DPP10: variants seen among roughly 807,000 people sequenced by gnomAD.
DPP10 encodes the protein inactive dipeptidyl peptidase 10.
DPP10 carries 33 observed loss-of-function variants against 120.9 expected under a neutral mutation model. That is an observed-to-expected ratio of 0.27 (90% CI 0.21 to 0.37). The LOEUF (loss-of-function observed/expected upper bound fraction) is 0.37. Ranked by LOEUF, DPP10 falls within the 10% of genes least tolerant of loss-of-function variation. The probability of loss-of-function intolerance (pLI) is 1.00; values close to 1 mark genes in which losing one functional copy is unlikely to be tolerated. For missense variants in DPP10, 816 were observed against 942.8 expected, an observed-to-expected ratio of 0.87 and a Z score of 1.76; for synonymous variants, 337 against 326.1, an observed-to-expected ratio of 1.03 and a Z score of -0.36.
intron 1 of DPP10, among the ~76,000 whole-genome samples, chr2:114,968,305 C>T (rs549673087): frequency 6.6e-6 from 1 of 152,302 alleles, no homozygotes; most frequent in South Asian, 2.1e-4. Context: ...GAGACCTGTT[C>T]TCATTCCTCT....
intron 8 of DPP10, among the ~76,000 whole-genome samples, chr2:115,736,524 G>A (rs896404037): frequency 6.6e-6 from 1 of 151,978 alleles, no homozygotes; most frequent in African/African-American, 2.4e-5. Context: ...AAATGTTTCT[G>A]TAAAGAGTAG....
At chr2:114,453,528 T>G (rs1023634679) in intron 1 of DPP10, among the ~76,000 whole-genome samples, 2 of 152,182 alleles carry the variant, frequency 1.3e-5, no homozygotes, top group Non-Finnish European at 2.9e-5. Flanking sequence ...TTATGTCTTC[T>G]CTGCTACATC....
chr2:114,498,795 A>G (rs1682900204), intron 1 of DPP10, among the ~76,000 whole-genome samples: 1 of 152,192 alleles, frequency 6.6e-6, no homozygotes, highest in Non-Finnish European at 1.5e-5. Flanking sequence ...TTAAGATTAC[A>G]GTTAAATTTC....
chr2:115,140,926 G>GA (rs372992316), intron 1 of DPP10, among the ~76,000 whole-genome samples: 97,933 of 137,598 alleles, frequency 0.71, 35,039 homozygotes, highest in African/African-American at 0.82. Flanking sequence ...TGCTTATCTT[G>GA]AAAAAAAAAA....
At chr2:115,386,950 C>A (rs1469093582) in intron 3 of DPP10, among the ~76,000 whole-genome samples, 2 of 151,276 alleles carry the variant, frequency 1.3e-5, no homozygotes, top group Non-Finnish European at 1.5e-5. Context: ...GGGCAAAATG[C>A]CTCCCTTTAA....
intron 1 of DPP10, among the ~76,000 whole-genome samples, chr2:115,181,598 C>T (rs967316822): frequency 3.3e-5 from 5 of 152,006 alleles, no homozygotes; most frequent in African/African-American, 9.7e-5. Context: ...TTCCAAGTAC[C>T]GAGGGAAAAA....
chr2:114,904,942 G>A (rs1396111644), intron 1 of DPP10, among the ~76,000 whole-genome samples: 1 of 152,132 alleles, frequency 6.6e-6, no homozygotes, highest in Admixed American at 6.5e-5. Context: ...GCTTAGGGAT[G>A]AGACCCTAAG....
chr2:115,190,778 C>A (rs943408637), intron 1 of DPP10, among the ~76,000 whole-genome samples: 4 of 152,296 alleles, frequency 2.6e-5, no homozygotes, highest in East Asian at 3.9e-4. Flanking sequence ...AGGGGATAAT[C>A]TGGGTCTCTG....
chr2:114,499,316 A>G (rs908964820), intron 1 of DPP10, among the ~76,000 whole-genome samples: 1 of 152,206 alleles, frequency 6.6e-6, no homozygotes, highest in Admixed American at 6.5e-5. Flanking sequence ...GTGAACTTTG[A>G]GCAAGGGCTG....
chr2:114,466,886 ATATAGAAAAC>A (rs1304222719), intron 1 of DPP10, among the ~76,000 whole-genome samples: 8 of 152,288 alleles, frequency 5.3e-5, no homozygotes, highest in African/African-American at 1.9e-4. Context: ...TCTACTAAAA[ATATAGAAAAC>A]TATTAGCTGG....
chr2:115,554,809 A>G (rs184901661), intron 5 of DPP10, among the ~76,000 whole-genome samples: 2 of 152,232 alleles, frequency 1.3e-5, no homozygotes, highest in Admixed American at 1.3e-4. Context: ...CTTCTTTTTC[A>G]TCATATCACT....
intron 1 of DPP10, among the ~76,000 whole-genome samples, chr2:115,220,140 T>C (rs1297248150): frequency 1.3e-5 from 2 of 152,164 alleles, no homozygotes; most frequent in Non-Finnish European, 2.9e-5. Flanking sequence ...TAGTTGCCTG[T>C]TTTCCTTGGT....
At chr2:114,653,752 C>T (rs911883030) in intron 1 of DPP10, among the ~76,000 whole-genome samples, 1 of 152,054 alleles carries the variant, frequency 6.6e-6, no homozygotes, top group African/African-American at 2.4e-5. Context: ...GCTGGGCTGG[C>T]GGAGAGCTAT....
At chr2:115,609,600 A>C (rs996443523) in intron 5 of DPP10, among the ~76,000 whole-genome samples, 6 of 151,872 alleles carry the variant, frequency 4.0e-5, no homozygotes, top group African/African-American at 1.4e-4. Flanking sequence ...CACCAAAAAC[A>C]AAAAAAACAA....
chr2:115,233,671 T>G (rs1003177562), intron 1 of DPP10, among the ~76,000 whole-genome samples: 1 of 152,214 alleles, frequency 6.6e-6, no homozygotes, highest in Non-Finnish European at 1.5e-5. Context: ...GAATGAGCAC[T>G]TAGTCTCTGC....
At chr2:114,630,082 G>T (rs181886551) in intron 1 of DPP10, among the ~76,000 whole-genome samples, 2 of 152,008 alleles carry the variant, frequency 1.3e-5, no homozygotes, top group Non-Finnish European at 2.9e-5. Context: ...AAATTTGGAC[G>T]ATTATAAATG....
At chr2:114,960,743 C>T (rs1354024049) in intron 1 of DPP10, among the ~76,000 whole-genome samples, 1 of 152,040 alleles carries the variant, frequency 6.6e-6, no homozygotes, top group African/African-American at 2.4e-5. Context: ...TATTCAGTCG[C>T]TGGACATTCA....
intron 1 of DPP10, among the ~76,000 whole-genome samples, chr2:114,904,647 G>T (rs927691643): frequency 2.0e-5 from 3 of 152,174 alleles, no homozygotes; most frequent in Admixed American, 1.3e-4. Context: ...TAAAATGTAT[G>T]TAAGATTATA....
chr2:115,713,928 A>G (rs62155275), intron 7 of DPP10, among the ~76,000 whole-genome samples: 12,909 of 152,180 alleles, frequency 0.085, 680 homozygotes, highest in Non-Finnish European at 0.11. Context: ...CACCTGCCCC[A>G]GAAGTCCACT....
Sources: allele counts gnomAD v4.1 joint callset (sites outside exome capture counted in the v4.1 genomes callset), GRCh38; gene constraint gnomAD v4.1.1; transcripts MANE v1.5; gene names NCBI Gene and HGNC (gene_info 2026-07-23, HGNC 2026-07-21).